Variants in FBXO17 observed in about 807,000 individuals in gnomAD.
FBXO17 encodes F-box protein 17.
FBXO17 carries 43 observed loss-of-function variants against 34.1 expected under a neutral mutation model. The observed-to-expected ratio is 1.26, with a 90% CI of 0.99 to 1.62. The LOEUF (loss-of-function observed/expected upper bound fraction) is 1.62, where lower values mean the gene tolerates loss of function less well. Among genes scored for constraint, FBXO17 ranks in the 40% most tolerant of loss-of-function variants. The pLI, the probability that FBXO17 is intolerant of heterozygous loss-of-function variation, is 0.00. For synonymous variants in FBXO17, 169 were observed against 166.0 expected, an observed-to-expected ratio of 1.02 and a Z score of -0.14; for missense variants, 424 against 386.7, an observed-to-expected ratio of 1.10 and a Z score of -0.81.
Position 38,950,166 on chromosome 19 carries a change from TGTCGCGCCAG to T in FBXO17, c.144_153del (p.Trp49Ter). ...AGCCACACAGTGGGCCCGTCCACTA[TGTCGCGCCAG>T]GCGCGGCACACTGGGCGGCATCGCG... On this transcript the variant is annotated frameshift_variant, in exon 2 of 6. Transcript: ENST00000292852. LOFTEE classifies it high-confidence loss of function. The T allele has an allele frequency of 6.4e-7, 1 of 1,560,980 alleles. No individual in the cohort carries two copies. Among genetic ancestry groups the T allele is most frequent in the Non-Finnish European group, 8.6e-7 (1 of 1,159,236 alleles).
At chr19:38,963,527 C>T (rs1246785319) in intron 1 of FBXO17, among the ~76,000 whole-genome samples, 1 of 152,066 alleles carries the variant, frequency 6.6e-6, no homozygotes, top group African/African-American at 2.4e-5. Context: ...CTCCTGGGCT[C>T]AGCGATCTTC....
At chr19:38,971,097 C>CA (rs36006162) in intron 1 of FBXO17, among the ~76,000 whole-genome samples, 45,395 of 122,184 alleles carry the variant, frequency 0.37, 8,507 homozygotes, top group East Asian at 0.7. Context: ...GAGTCCATCT[C>CA]AAAAAAAAAA....
rs147036191 is a variant in FBXO17, at chr19:38,965,654, G to A, written c.-18+9932C>T. On this transcript the variant is annotated intron_variant, in intron 1 of 5. Coordinates refer to ENST00000292852, the MANE Select transcript of FBXO17 (RefSeq NM_024907.7). Reference sequence around the variant, plus strand: ...CCTGAGTAGCTGGGATTACAGGCACGAACCACCAAGCCAGGCTAATTTTTG... The same window carrying A: ...CCTGAGTAGCTGGGATTACAGGCACAAACCACCAAGCCAGGCTAATTTTTG... Among the ~76,000 whole-genome samples, 1,324 of 152,206 alleles carry A rather than the reference G, an allele frequency of 8.7e-3. 18 individuals are homozygous for A. The highest frequency in any genetic ancestry group is 0.027 in the African/African-American group (1,133 of 41,542).
Position 38,950,355 on chromosome 19 carries a change from C to T in FBXO17, c.-17-19G>A. The stretch of plus-strand genomic sequence containing the variant: ...CAGAGTCCTGCAGGTCGAGAGGGGT[C>T]GGTAGGCGGGTCAGCGCAGCCAGGC... On this transcript the variant is annotated intron_variant, in intron 1 of 5. Transcript: ENST00000292852. 4 of 1,398,696 alleles carry T rather than the reference C, an allele frequency of 2.9e-6. No individual in the cohort carries two copies. The highest frequency in any genetic ancestry group is 3.7e-6 in the Non-Finnish European group (4 of 1,084,960). 86.6% of individuals were successfully genotyped at this position (1,398,696 alleles called of 1,614,324 possible). A position where few individuals can be genotyped will look rare whatever the true frequency, so the allele number is the denominator to read the frequency against.
chr19:38,957,108 C>T (rs1423406928), intron 1 of FBXO17, among the ~76,000 whole-genome samples: 1 of 151,872 alleles, frequency 6.6e-6, no homozygotes, highest in Admixed American at 6.6e-5. Context: ...TTCTGAGTTG[C>T]ATTAATAGTT....
At chr19:38,944,735 G>T in intron 5 of FBXO17, 2 of 572,754 alleles carry the variant, frequency 3.5e-6, no homozygotes, top group Non-Finnish European at 6.0e-6. Context: ...GTGGTGCCCA[G>T]CACACAGTAG....
rs931888512 is a variant in FBXO17 at position 38,942,572 on chromosome 19, G to A, written c.*36C>T. The A allele has an allele frequency of 7.3e-6, 11 of 1,512,650 alleles. No homozygotes were observed. The highest frequency in any genetic ancestry group is 1.7e-4 in the Middle Eastern group (1 of 5,756). 93.7% of individuals were successfully genotyped at this position (1,512,650 alleles called of 1,614,324 possible). ...AGCCACTGCACCTGGCTGCAAGGCT[G>A]GTCTTGACTGACAACGTCAGGCAGT... On this transcript the variant is annotated 3_prime_UTR_variant, in exon 6 of 6. Coordinates refer to ENST00000292852, the MANE Select transcript of FBXO17 (RefSeq NM_024907.7).
rs1273331687 is a variant in FBXO17, at chr19:38,975,603, G to T, written c.-35C>A. On this transcript the variant is annotated 5_prime_UTR_variant, in exon 1 of 6. Transcript: ENST00000292852. This position sits in a 1 kb window ranked among gnomAD's most constrained non-coding sequence, Gnocchi z 4.9. ...GCGCTCACCTGGCGGGCTGCTCGGA[G>T]GCGGCAGCGGCGGGCTAAGCTTCCC... 6.6e-6 allele frequency: 1 copy of T among 152,496 alleles called. No homozygotes were observed. Among genetic ancestry groups the T allele is most frequent in the East Asian group, 1.9e-4 (1 of 5,198 alleles). The allele number at this position is 152,496 out of a possible 1,614,324, so 9.4% of individuals were successfully genotyped here.
chr19:38,950,135 T>C lies in FBXO17; in HGVS notation c.185A>G (p.Gln62Arg), dbSNP rs371932787. The C allele has an allele frequency of 3.5e-5, 55 of 1,562,014 alleles. No homozygotes were observed. In the African/African-American group the frequency reaches 6.0e-4, roughly 17 times the overall value. ...CTCGGCGCTGCGGTCGCGGGCCAGC[T>C]GCAGCAGCCACACAGTGGGCCCGTC... Reference protein sequence around the residue: ...IVDGPTVWLLQLARDRSAEGR... With the variant: ...IVDGPTVWLLRLARDRSAEGR... The change falls in exon 2 of 6, where the codon CAG becomes CGG. Residue 62 changes from glutamine (Q) to arginine (R), a missense_variant. Physicochemically the swap from Gln to Arg is conservative, Grantham distance 43 (BLOSUM62 1). Coordinates refer to ENST00000292852, the MANE Select transcript of FBXO17 (RefSeq NM_024907.7).
At chr19:38,955,096 A>T (rs866578640) in intron 1 of FBXO17, among the ~76,000 whole-genome samples, 1 of 150,178 alleles carries the variant, frequency 6.7e-6, no homozygotes, top group African/African-American at 2.5e-5. Flanking sequence ...ATGCCCAGCT[A>T]ATTTTTTTGT....
chr19:38,973,961 C>A (rs73541551), intron 1 of FBXO17, among the ~76,000 whole-genome samples: 2 of 149,014 alleles, frequency 1.3e-5, no homozygotes, highest in African/African-American at 4.9e-5. Context: ...CCAGCCTGGG[C>A]AACACAGTTT....
chr19:38,946,920 A>G (rs1865049), intron 3 of FBXO17: 174,847 of 246,240 alleles, frequency 0.71, 64,001 homozygotes, highest in East Asian at 0.96. Context: ...AAAGCTGGAC[A>G]GCCTTGTCTC....
At chr19:38,949,770 A>G (rs1352727022) in intron 2 of FBXO17, 1 of 640,882 alleles carries the variant, frequency 1.6e-6, no homozygotes, top group Non-Finnish European at 2.6e-6. Context: ...TGCCCCGCCC[A>G]CTCGTTCGGA....
intron 1 of FBXO17, among the ~76,000 whole-genome samples, chr19:38,956,587 A>G (rs1975170437): frequency 6.6e-6 from 1 of 152,150 alleles, no homozygotes; most frequent in South Asian, 2.1e-4. Flanking sequence ...CACAGCTAAA[A>G]TAGTTGCTGT....
intron 1 of FBXO17, among the ~76,000 whole-genome samples, chr19:38,963,693 A>C (rs1975283304): frequency 6.6e-6 from 1 of 152,072 alleles, no homozygotes; most frequent in Non-Finnish European, 1.5e-5. Context: ...ACTCAGTATG[A>C]TGGACATTTG....
At chr19:38,959,515 G>C (rs1280903601) in intron 1 of FBXO17, among the ~76,000 whole-genome samples, 1 of 150,664 alleles carries the variant, frequency 6.6e-6, no homozygotes, top group Non-Finnish European at 1.5e-5. Context: ...TCGAACTCTT[G>C]ACCTTGTGAT....
At chr19:38,951,825 T>C (rs1568440578) in intron 1 of FBXO17, among the ~76,000 whole-genome samples, 4 of 67,538 alleles carry the variant, frequency 5.9e-5, no homozygotes, top group African/African-American at 1.6e-4. Context: ...AATTTTTGTA[T>C]CTTTAAGGAG....
At position 38,941,582 on chromosome 19, in the gene FBXO17, C is replaced by G. The variant is rs1190558742; in HGVS notation, c.*1026G>C. On this transcript the variant is annotated 3_prime_UTR_variant, in exon 6 of 6. Coordinates refer to ENST00000292852, the MANE Select transcript of FBXO17 (RefSeq NM_024907.7). Reference sequence around the variant, plus strand: ...GATGGGCTGAAATAAAGGGATGGGTCTGGCTAGTTATCTGCAGCAGGAACA... The same window carrying G: ...GATGGGCTGAAATAAAGGGATGGGTGTGGCTAGTTATCTGCAGCAGGAACA... 1.3e-5 allele frequency: 2 copies of G among 152,228 alleles called. No homozygotes were observed. The highest frequency in any genetic ancestry group is 1.3e-4 in the Admixed American group (2 of 15,280). 9.4% of individuals were successfully genotyped at this position (152,228 alleles called of 1,614,324 possible).
At chr19:38,957,143 G>A (rs1033217584) in intron 1 of FBXO17, among the ~76,000 whole-genome samples, 2 of 151,498 alleles carry the variant, frequency 1.3e-5, no homozygotes, top group African/African-American at 2.4e-5. Context: ...GCTTGAACCC[G>A]CGAGGTGGAG....
Sources: allele counts gnomAD v4.1 joint callset (sites outside exome capture counted in the v4.1 genomes callset), GRCh38; gene constraint gnomAD v4.1.1; non-coding constraint Gnocchi (gnomAD v3.1); transcripts MANE v1.5; gene names NCBI Gene and HGNC (gene_info 2026-07-23, HGNC 2026-07-21).